Variants in HTR1F observed in about 807,000 individuals in gnomAD.
HTR1F encodes 5-hydroxytryptamine receptor 1F, also known as 5-hydroxytryptamine (serotonin) receptor 1F, G protein-coupled.
HTR1F carries 17 observed loss-of-function variants against 24.0 expected under a neutral mutation model. The ratio of observed to expected loss-of-function variants is 0.71; its 90% CI spans 0.48 to 1.06. The LOEUF is 1.06. Among genes scored for constraint, HTR1F ranks in the 50% least tolerant of loss-of-function variants. HTR1F has a pLI of 0.00. For synonymous variants in HTR1F, 186 were observed against 156.8 expected (o/e 1.19, Z -1.39); for missense variants, 391 against 427.8 (o/e 0.91, Z 0.76).
chr3:87,883,517 A>C (rs1326999844), intron 2 of HTR1F, among the ~76,000 whole-genome samples: 2 of 152,206 alleles, frequency 1.3e-5, no homozygotes, highest in African/African-American at 4.8e-5. Flanking sequence ...AGTAATAACA[A>C]ATTTCTCCAA....
At chr3:87,934,720 G>C (rs1181083609) in intron 2 of HTR1F, among the ~76,000 whole-genome samples, 1 of 152,096 alleles carries the variant, frequency 6.6e-6, no homozygotes, top group Non-Finnish European at 1.5e-5. Flanking sequence ...TCAAACATAA[G>C]ACTGAAGCAT....
chr3:87,950,616 G>A lies in HTR1F; in HGVS notation c.-42-40092G>A, dbSNP rs375462971. Among the ~76,000 whole-genome samples the A allele has an allele frequency of 1.9e-3, 289 of 152,034 alleles. 3 individuals are homozygous for A. Among genetic ancestry groups the A allele is most frequent in the South Asian group, 0.016 (75 of 4,814 alleles). On this transcript the variant is annotated intron_variant, in intron 2 of 2. Transcript: ENST00000319595. ...ATTTCTAAATATATTGAGTTTACCT[G>A]AGAATAAAAAGAATGATTATAATCT...
intron 1 of HTR1F, among the ~76,000 whole-genome samples, chr3:87,802,288 C>T (rs1398557699): frequency 9.6e-6 from 1 of 104,548 alleles, no homozygotes; most frequent in Non-Finnish European, 1.8e-5. Flanking sequence ...TCTTCCCTCC[C>T]TCCCTCCCTC....
intron 2 of HTR1F, among the ~76,000 whole-genome samples, chr3:87,965,480 G>A (rs1705144994): frequency 6.6e-6 from 1 of 152,124 alleles, no homozygotes; most frequent in Non-Finnish European, 1.5e-5. Context: ...TGAAAATTGT[G>A]AGATTAAATT....
intron 2 of HTR1F, among the ~76,000 whole-genome samples, chr3:87,886,442 G>T (rs1371959615): frequency 6.6e-6 from 1 of 152,146 alleles, no homozygotes; most frequent in Non-Finnish European, 1.5e-5. Context: ...AGACAGAGAT[G>T]CCCTCTCTCA....
intron 2 of HTR1F, among the ~76,000 whole-genome samples, chr3:87,908,524 C>G (rs1387134777): frequency 2.0e-5 from 3 of 151,910 alleles, no homozygotes; most frequent in Admixed American, 1.3e-4. Context: ...TTTCCAAGAA[C>G]TATCTGGTAA....
At chr3:87,888,359 T>G (rs1575991242) in intron 2 of HTR1F, among the ~76,000 whole-genome samples, 1 of 152,058 alleles carries the variant, frequency 6.6e-6, no homozygotes, top group South Asian at 2.1e-4. Flanking sequence ...AGGAGAAATA[T>G]CTAATGTAAA....
At chr3:87,795,245 A>T (rs541734914) in intron 1 of HTR1F, among the ~76,000 whole-genome samples, 1 of 152,168 alleles carries the variant, frequency 6.6e-6, no homozygotes, top group South Asian at 2.1e-4. Context: ...TGGCCTTTCA[A>T]AGTGTTGGGA....
intron 2 of HTR1F, among the ~76,000 whole-genome samples, chr3:87,945,696 C>T (rs1028364506): frequency 7.9e-5 from 12 of 152,126 alleles, no homozygotes; most frequent in Admixed American, 6.5e-4. Context: ...AAGACTCACA[C>T]CTGAGTCTTA....
chr3:87,817,635 G>A (rs1704274942), intron 1 of HTR1F, among the ~76,000 whole-genome samples: 1 of 152,130 alleles, frequency 6.6e-6, no homozygotes, highest in Non-Finnish European at 1.5e-5. Flanking sequence ...TGGCAATACT[G>A]CAAACTTAAA....
intron 2 of HTR1F, among the ~76,000 whole-genome samples, chr3:87,909,226 C>G (rs980776063): frequency 2.0e-5 from 3 of 151,794 alleles, no homozygotes; most frequent in African/African-American, 7.3e-5. Context: ...GAAAAGAATC[C>G]CCGGTCAAAT....
chr3:87,933,069 A>C (rs1704322005), intron 2 of HTR1F, among the ~76,000 whole-genome samples: 1 of 150,626 alleles, frequency 6.6e-6, no homozygotes. Flanking sequence ...CAATAAATGT[A>C]ATCCAGCATA....
chr3:87,877,060 C>T (rs1446756257), intron 2 of HTR1F, among the ~76,000 whole-genome samples: 1 of 152,058 alleles, frequency 6.6e-6, no homozygotes, highest in Non-Finnish European at 1.5e-5. Flanking sequence ...AATGCATCAT[C>T]TTATTTTCAT....
At chr3:87,816,918 T>A (rs933771688) in intron 1 of HTR1F, among the ~76,000 whole-genome samples, 2 of 152,142 alleles carry the variant, frequency 1.3e-5, no homozygotes, top group African/African-American at 4.8e-5. Context: ...GAAAAATTGA[T>A]ATAGTAATTA....
chr3:87,824,697 G>A (rs1380551455), intron 2 of HTR1F, among the ~76,000 whole-genome samples: 1 of 152,096 alleles, frequency 6.6e-6, no homozygotes, highest in Non-Finnish European at 1.5e-5. Context: ...TCAGTGTCCT[G>A]GACTGGGACA....
At chr3:87,885,861 C>CA (rs779160796) in intron 2 of HTR1F, among the ~76,000 whole-genome samples, 3 of 151,958 alleles carry the variant, frequency 2.0e-5, no homozygotes, top group Non-Finnish European at 4.4e-5. Flanking sequence ...GCCTACCAAC[C>CA]AAAAAAAGCC....
intron 1 of HTR1F, among the ~76,000 whole-genome samples, chr3:87,797,555 A>T (rs1703925556): frequency 6.6e-6 from 1 of 152,208 alleles, no homozygotes; most frequent in Non-Finnish European, 1.5e-5. Flanking sequence ...GGGTAAAATG[A>T]TAGAAGGAAG....
chr3:87,907,373 ATT>A (rs35373313), intron 2 of HTR1F, among the ~76,000 whole-genome samples: 1 of 146,280 alleles, frequency 6.8e-6, no homozygotes. Flanking sequence ...TTTTGAAGGG[ATT>A]TTTTTTTTTG....
chr3:87,917,161 C>G (rs1299529263), intron 2 of HTR1F, among the ~76,000 whole-genome samples: 1 of 151,510 alleles, frequency 6.6e-6, no homozygotes, highest in Middle Eastern at 3.2e-3. Flanking sequence ...TTCTTCAAAC[C>G]AAATGAAAGT....
Sources: allele counts gnomAD v4.1 joint callset (sites outside exome capture counted in the v4.1 genomes callset), GRCh38; gene constraint gnomAD v4.1.1; transcripts MANE v1.5; gene names NCBI Gene and HGNC (gene_info 2026-07-23, HGNC 2026-07-21).